Variants in TSPAN16 observed in about 807,000 individuals in gnomAD.
TSPAN16 encodes tetraspanin 16.
Under a neutral mutation model 25.2 loss-of-function variants are expected in TSPAN16, and 23 were observed. The observed-to-expected ratio is 0.91, with a 90% confidence interval of 0.66 to 1.29. The LOEUF is 1.29. Among genes scored for constraint, TSPAN16 ranks in the 50% most tolerant of loss-of-function variants. The pLI is 0.00. For synonymous variants in TSPAN16, 123 were observed against 124.4 expected (o/e 0.99, Z 0.08); for missense variants, 272 against 299.9 (o/e 0.91, Z 0.69).
At chr19:11,302,443 C>T (rs192600402) in intron 4 of TSPAN16, among the ~76,000 whole-genome samples, 1 of 141,996 alleles carries the variant, frequency 7.0e-6, no homozygotes, top group Non-Finnish European at 1.5e-5. Context: ...GCAGGAGAAT[C>T]GCTTGAATCC....
intron 6 of TSPAN16, chr19:11,325,592 G>A (rs761435736): frequency 6.3e-7 from 1 of 1,589,636 alleles, no homozygotes; most frequent in South Asian, 1.1e-5. Flanking sequence ...AAACCTGGAT[G>A]AATGTTAAGG....
intron 6 of TSPAN16, chr19:11,322,587 T>C (rs960619771): frequency 2.0e-5 from 3 of 152,158 alleles, no homozygotes; most frequent in African/African-American, 7.2e-5. Flanking sequence ...TGCAAAAACA[T>C]CAGTTTTCAG....
At chr19:11,297,098 A>G (rs1035505333) in intron 1 of TSPAN16, among the ~76,000 whole-genome samples, 1 of 152,116 alleles carries the variant, frequency 6.6e-6, no homozygotes, top group African/African-American at 2.4e-5. Flanking sequence ...ATTGTAGCAT[A>G]GTCTAAGGAA....
At chr19:11,315,719 C>T (rs1282352264) in intron 6 of TSPAN16, 72 bp from the exon 7 acceptor site, 9 of 1,168,154 alleles carry the variant, frequency 7.7e-6, no homozygotes, top group African/African-American at 1.6e-5. Flanking sequence ...CCCTTGTCCC[C>T]GTAACTCCAG....
At chr19:11,316,085 T>G, downstream of TSPAN16, 5 of 321,712 alleles carry the variant, frequency 1.6e-5, no homozygotes, top group East Asian at 7.6e-5. Context: ...AAATTATTCT[T>G]GGTGTGTGTG....
At chr19:11,314,851 C>G (rs1033938723) in intron 6 of TSPAN16, among the ~76,000 whole-genome samples, 6 of 152,128 alleles carry the variant, frequency 3.9e-5, no homozygotes, top group Non-Finnish European at 7.3e-5. Context: ...CCCGTCTTCT[C>G]CCGGTGCTTC....
At chr19:11,317,999 A>C (rs115199040), downstream of TSPAN16, among the ~76,000 whole-genome samples, 1,459 of 151,754 alleles carry the variant, frequency 9.6e-3, 23 homozygotes, top group African/African-American at 0.034. Context: ...AACTACCTAA[A>C]CCTGAACCAC....
rs759160648 is a variant in TSPAN16, at chr19:11,306,647, C to A, written c.494C>A (p.Ser165Tyr). 1.2e-6 allele frequency: 2 copies of A among 1,613,856 alleles called. No individual in the cohort carries two copies. The highest frequency in any genetic ancestry group is 1.7e-6 in the Non-Finnish European group (2 of 1,180,018). ...AATAACTACACAGATTTTTCTGGCT[C>A]TTCCTTCGAAATGACAACGGGCCAC... ...GVNNYTDFSG[S>Y]SFEMTTGHTY... The change falls in exon 5 of 7, where the codon TCT (serine) becomes TAT (tyrosine). Residue 165 changes from serine to tyrosine, a missense_variant. Transcript: ENST00000590327.
At chr19:11,302,249 TCACTCCA>T (rs2080559607) in intron 4 of TSPAN16, among the ~76,000 whole-genome samples, 1 of 151,998 alleles carries the variant, frequency 6.6e-6, no homozygotes, top group African/African-American at 2.4e-5. Context: ...CATGAAACGC[TCACTCCA>T]CATTCTCCCT....
rs182299271 is a variant in TSPAN16 at position 11,310,510 on chromosome 19, C to A, written c.604-1629C>A. On this transcript the variant is annotated intron_variant, in intron 5 of 6. Coordinates refer to ENST00000590327, the MANE Select transcript of TSPAN16 (RefSeq NM_001282509.2). ...AGCCTGGGCAATAAGAGCCAAATTC[C>A]GTCTCAAAAAAAAAAAAAAAAAAGT... Among the ~76,000 whole-genome samples, 699 of 114,674 alleles carry A rather than the reference C, an allele frequency of 6.1e-3. 9 individuals are homozygous for A. The highest frequency in any genetic ancestry group is 0.034 in the Admixed American group (385 of 11,334). 75.2% of individuals were successfully genotyped at this position (114,674 alleles called of 152,430 possible). A position where few individuals can be genotyped will look rare whatever the true frequency, so the allele number is the denominator to read the frequency against.
chr19:11,322,921 C>T (rs1285650853), intron 6 of TSPAN16: 1 of 152,098 alleles, frequency 6.6e-6, no homozygotes, highest in East Asian at 1.9e-4. Context: ...CAAAACCAGC[C>T]TGGCCAACAA....
At chr19:11,298,096 A>G in intron 1 of TSPAN16, 46 bp from the exon 2 acceptor site, 3 of 1,595,032 alleles carry the variant, frequency 1.9e-6, no homozygotes, top group Non-Finnish European at 2.6e-6. Context: ...CTATTTGTAT[A>G]CAACTAACAG....
In TSPAN16 at chr19:11,298,890, A is replaced by G. The variant is rs1568285701; in HGVS notation, c.286A>G (p.Ile96Val). The change falls in exon 3 of 7, where the codon ATT becomes GTT. Residue 96 changes from isoleucine (I) to valine (V), a missense_variant. Ile to Val is a conservative substitution (Grantham distance 29, BLOSUM62 3). Coordinates refer to ENST00000590327, the MANE Select transcript of TSPAN16 (RefSeq NM_001282509.2). ...CTTTTAGTGCATCCTGTCAATGGTTATTGTCCTCATCATGGAAGTTACAGC... is the reference window on the plus strand; with the variant it reads ...CTTTTAGTGCATCCTGTCAATGGTTGTTGTCCTCATCATGGAAGTTACAGC... Reference protein sequence around the residue: ...TLLFCILSMVIVLIMEVTAAT... With the variant: ...TLLFCILSMVVVLIMEVTAAT... 6.2e-7 allele frequency: 1 copy of G among 1,613,958 alleles called. No homozygotes were observed. Among genetic ancestry groups the G allele is most frequent in the African/African-American group, 1.3e-5 (1 of 74,984 alleles).
chr19:11,296,895 A>C (rs1205522606), intron 1 of TSPAN16, among the ~76,000 whole-genome samples: 1 of 151,912 alleles, frequency 6.6e-6, no homozygotes, highest in Non-Finnish European at 1.5e-5. Context: ...AAAAAATTAG[A>C]TGGGCGTGGT....
At chr19:11,316,539 C>G (rs11880150), downstream of TSPAN16, among the ~76,000 whole-genome samples, 1,920 of 152,300 alleles carry the variant, frequency 0.013, 34 homozygotes, top group African/African-American at 0.044. Flanking sequence ...TTTGCTTTAT[C>G]AATCCCCTTT....
Position 11,306,723 on chromosome 19 carries a change from A to T in TSPAN16, c.570A>T (p.Gly190=). ...CCATCGGAAGTGTGTCCTGTGACGGACGCGATGTGTCTCCAAACGTCATCC... is the reference window on the plus strand; with the variant it reads ...CCATCGGAAGTGTGTCCTGTGACGGTCGCGATGTGTCTCCAAACGTCATCC... The part of the protein sequence containing the change: ...CKSIGSVSCD[G]RDVSPNVIHQ... The change falls in exon 5 of 7, where the codon GGA becomes GGT. Residue 190 remains glycine, a synonymous_variant. Coordinates refer to ENST00000590327, the MANE Select transcript of TSPAN16 (RefSeq NM_001282509.2). The T allele has an allele frequency of 6.2e-7, 1 of 1,614,076 alleles. No homozygotes were observed.
intron 6 of TSPAN16, among the ~76,000 whole-genome samples, chr19:11,315,265 TA>T (rs1026322262): frequency 7.3e-6 from 1 of 136,512 alleles, no homozygotes; most frequent in African/African-American, 2.9e-5. Flanking sequence ...ATAATAATAA[TA>T]ATAATAATAG....
At chr19:11,321,734 C>G (rs933039036) in intron 6 of TSPAN16, among the ~76,000 whole-genome samples, 2 of 152,194 alleles carry the variant, frequency 1.3e-5, no homozygotes, top group African/African-American at 4.8e-5. Context: ...AGGACCTCAG[C>G]ATTTACTGCA....
chr19:11,306,675 C>G lies in TSPAN16; in HGVS notation c.522C>G (p.Thr174=). The stretch of plus-strand genomic sequence containing the variant: ...CCTTCGAAATGACAACGGGCCACAC[C>G]TACCCCAGGAGTTGCTGTAAATCCA... ...GSSFEMTTGH[T]YPRSCCKSIG... The change falls in exon 5 of 7, where the codon ACC becomes ACG. Residue 174 remains threonine (T), a synonymous_variant. Coordinates refer to ENST00000590327, the MANE Select transcript of TSPAN16 (RefSeq NM_001282509.2). The G allele has an allele frequency of 6.2e-7, 1 of 1,614,092 alleles. No homozygotes were observed. Among genetic ancestry groups the G allele is most frequent in the Non-Finnish European group, 8.5e-7 (1 of 1,180,040 alleles).
Sources: gnomAD v4.1 joint callset for allele counts (sites outside exome capture counted in the v4.1 genomes callset) on GRCh38, gnomAD v4.1.1 for gene constraint, MANE v1.5 for transcripts, NCBI Gene and HGNC (gene_info 2026-07-23, HGNC 2026-07-21) for gene names.